Variants in TMEM182 observed in about 807,000 individuals in gnomAD.
The protein encoded by TMEM182 is transmembrane protein 182.
TMEM182 carries 20 observed loss-of-function variants against 26.8 expected under a neutral mutation model. The ratio of observed to expected loss-of-function variants is 0.75; its 90% confidence interval spans 0.53 to 1.09. TMEM182 has a LOEUF of 1.09. Ranked by LOEUF, TMEM182 falls within the 50% of genes least tolerant of loss-of-function variation. TMEM182 has a pLI of 0.00. For missense variants in TMEM182, 277 were observed against 275.5 expected (o/e 1.01, Z -0.04); for synonymous variants, 109 against 102.2 (o/e 1.07, Z -0.40).
chr2:102,796,714 A>G (rs887575621), intron 3 of TMEM182, among the ~76,000 whole-genome samples: 1 of 152,206 alleles, frequency 6.6e-6, no homozygotes, highest in Non-Finnish European at 1.5e-5. Flanking sequence ...AAAGCCTATC[A>G]TGTATTCCTG....
At chr2:102,753,392 A>T (rs1348117470) in intron 1 of TMEM182, among the ~76,000 whole-genome samples, 1 of 152,164 alleles carries the variant, frequency 6.6e-6, no homozygotes, top group Non-Finnish European at 1.5e-5. Context: ...AATGAGGTGA[A>T]TGAGCTTATG....
chr2:102,812,425 A>G (rs185573049), intron 4 of TMEM182, among the ~76,000 whole-genome samples: 14 of 137,076 alleles, frequency 1.0e-4, no homozygotes, highest in African/African-American at 3.7e-4. Context: ...ACACACACAC[A>G]CACACTGGTT....
chr2:102,808,182 T>C (rs1471413936), intron 4 of TMEM182, among the ~76,000 whole-genome samples: 1 of 152,164 alleles, frequency 6.6e-6, no homozygotes, highest in Non-Finnish European at 1.5e-5. Flanking sequence ...GAGATGCTCC[T>C]TAAATATTGC....
At chr2:102,759,951 A>G (rs1680157116), upstream of TMEM182, among the ~76,000 whole-genome samples, 1 of 152,344 alleles carries the variant, frequency 6.6e-6, no homozygotes, top group Admixed American at 6.5e-5. Flanking sequence ...TTCCTGTAAT[A>G]AGATTGGGAC....
Position 102,816,217 on chromosome 2 carries a change from G to T in TMEM182, c.*1249G>T, listed in dbSNP as rs940953095. ...TATTTGCATTCTGGAAGCCTCCATCGCAGGGGAGCTCGGCAGGGTATGTGA... is the reference window on the plus strand; with the variant it reads ...TATTTGCATTCTGGAAGCCTCCATCTCAGGGGAGCTCGGCAGGGTATGTGA... On this transcript the variant is annotated 3_prime_UTR_variant, in exon 5 of 5. Coordinates refer to ENST00000412401, the MANE Select transcript of TMEM182 (RefSeq NM_144632.5). 5 of 985,176 alleles carry T rather than the reference G, an allele frequency of 5.1e-6. No homozygotes were observed. The highest frequency in any genetic ancestry group is 1.2e-4 in the Admixed American group (2 of 16,252). 61.0% of individuals were successfully genotyped at this position (985,176 alleles called of 1,614,324 possible).
intron 3 of TMEM182, among the ~76,000 whole-genome samples, chr2:102,766,009 C>T (rs1015217067): frequency 2.6e-5 from 4 of 152,176 alleles, no homozygotes; most frequent in Admixed American, 6.5e-5. Flanking sequence ...GAAAATGATG[C>T]TCCTTCCCCA....
chr2:102,830,280 A>G (rs1042914559), intron 3 of TMEM182, among the ~76,000 whole-genome samples: 2 of 152,194 alleles, frequency 1.3e-5, no homozygotes, highest in African/African-American at 4.8e-5. Flanking sequence ...TGCTTTCTCT[A>G]TGGAGTGGAA....
At chr2:102,776,532 T>G (rs994564699) in intron 3 of TMEM182, among the ~76,000 whole-genome samples, 1 of 152,154 alleles carries the variant, frequency 6.6e-6, no homozygotes, top group African/African-American at 2.4e-5. Context: ...GTCTCATTAG[T>G]GGGTGTATCA....
At chr2:102,771,559 G>A (rs764616922) in intron 3 of TMEM182, among the ~76,000 whole-genome samples, 1 of 152,118 alleles carries the variant, frequency 6.6e-6, no homozygotes, top group Non-Finnish European at 1.5e-5. Context: ...GAATTGGTTG[G>A]CAGTTTATGT....
intron 3 of TMEM182, among the ~76,000 whole-genome samples, chr2:102,792,729 A>G (rs910647647): frequency 1.3e-5 from 2 of 152,228 alleles, no homozygotes; most frequent in African/African-American, 2.4e-5. Flanking sequence ...GCACTCAGGC[A>G]TCTGACTGGG....
intron 3 of TMEM182, among the ~76,000 whole-genome samples, chr2:102,833,617 T>C (rs559568378): frequency 1.3e-5 from 2 of 152,298 alleles, no homozygotes; most frequent in East Asian, 3.9e-4. Context: ...AGGAATCCAC[T>C]AGTCTTTCCT....
chr2:102,803,310 G>A (rs13418934), intron 4 of TMEM182, among the ~76,000 whole-genome samples: 1,990 of 152,308 alleles, frequency 0.013, 46 homozygotes, highest in African/African-American at 0.046. Flanking sequence ...TGCCATGTGC[G>A]GCAAAATGCC....
intron 4 of TMEM182, among the ~76,000 whole-genome samples, chr2:102,800,797 T>TTG (rs71378190): frequency 0.16 from 21,653 of 137,608 alleles, 1,665 homozygotes; most frequent in South Asian, 0.19. Context: ...TTTGGACAGT[T>TTG]TGTGTGTGTG....
chr2:102,762,449 T>TC, intron 1 of TMEM182, 100 bp downstream of exon 1: 1 of 1,554,540 alleles, frequency 6.4e-7, no homozygotes, highest in Non-Finnish European at 8.7e-7. Context: ...GTCTATTTCT[T>TC]CATGGAAGAG....
chr2:102,842,085 A>G (rs762742201), intron 3 of TMEM182, among the ~76,000 whole-genome samples: 1 of 152,164 alleles, frequency 6.6e-6, no homozygotes, highest in African/African-American at 2.4e-5. Flanking sequence ...ATATAGTATT[A>G]CCCATATATA....
chr2:102,810,385 A>G (rs1682510539), intron 4 of TMEM182, among the ~76,000 whole-genome samples: 1 of 152,116 alleles, frequency 6.6e-6, no homozygotes, highest in Non-Finnish European at 1.5e-5. Context: ...TCTTGGGGGA[A>G]TCTGTTTTGT....
intron 4 of TMEM182, among the ~76,000 whole-genome samples, chr2:102,810,758 A>C (rs1035725124): frequency 6.6e-6 from 1 of 152,170 alleles, no homozygotes; most frequent in African/African-American, 2.4e-5. Flanking sequence ...TATAAAATTC[A>C]ATTGGAAATA....
downstream of TMEM182, among the ~76,000 whole-genome samples, chr2:102,821,281 A>T (rs1419176086): frequency 6.6e-6 from 1 of 152,206 alleles, no homozygotes; most frequent in Non-Finnish European, 1.5e-5. Flanking sequence ...TTGTCCCCAC[A>T]TCTCATGTTG....
intron 3 of TMEM182, 65 bp from the exon 4 acceptor site, chr2:102,797,798 A>G: frequency 1.3e-6 from 2 of 1,544,160 alleles, no homozygotes; most frequent in South Asian, 2.5e-5. Flanking sequence ...GACTGTGACA[A>G]TCTGCTGTGT....
Sources: allele counts gnomAD v4.1 joint callset (sites outside exome capture counted in the v4.1 genomes callset), GRCh38; gene constraint gnomAD v4.1.1; transcripts MANE v1.5; gene names NCBI Gene and HGNC (gene_info 2026-07-23, HGNC 2026-07-21).